The following ADCY2 variants were observed in gnomAD, a reference collection of about 807,000 sequenced individuals.
ADCY2 encodes the protein adenylate cyclase 2.
In ADCY2, 31 loss-of-function variants were observed where a neutral mutation model predicts 125.2. The ratio of observed to expected loss-of-function variants is 0.25; its 90% CI spans 0.19 to 0.33. ADCY2 has a LOEUF of 0.33. Ranked by LOEUF, ADCY2 falls within the 10% of genes least tolerant of loss-of-function variation. The pLI, the probability that ADCY2 is intolerant of heterozygous loss-of-function variation, is 1.00. For synonymous variants in ADCY2, 512 were observed against 548.4 expected, an observed-to-expected ratio of 0.93 and a Z score of 0.93; for missense variants, 904 against 1,418.2, an observed-to-expected ratio of 0.64 and a Z score of 5.82.
intron 3 of ADCY2, among the ~76,000 whole-genome samples, chr5:7,527,885 G>A (rs936655739): frequency 4.6e-5 from 7 of 152,170 alleles, no homozygotes; most frequent in African/African-American, 1.7e-4. Context: ...AGGAAAAACA[G>A]CAGGTTACCA....
chr5:7,628,975 G>T (rs957443989), intron 4 of ADCY2, among the ~76,000 whole-genome samples: 2 of 152,164 alleles, frequency 1.3e-5, no homozygotes, highest in Non-Finnish European at 2.9e-5. Flanking sequence ...TTCAGGTTTG[G>T]GTTCCTTGTG....
intron 3 of ADCY2, among the ~76,000 whole-genome samples, chr5:7,566,060 G>A (rs62342974): frequency 0.024 from 3,711 of 152,242 alleles, 85 homozygotes; most frequent in Middle Eastern, 0.068. Context: ...TTGGAGCAAG[G>A]GAAACGGCTA....
chr5:7,678,025 G>T (rs1408795843), intron 4 of ADCY2, among the ~76,000 whole-genome samples: 1 of 152,024 alleles, frequency 6.6e-6, no homozygotes. Flanking sequence ...ATTTTTGTTG[G>T]CATGACAAAG....
At chr5:7,749,934 T>C (rs1235129861) in intron 15 of ADCY2, among the ~76,000 whole-genome samples, 1 of 152,202 alleles carries the variant, frequency 6.6e-6, no homozygotes, top group East Asian at 1.9e-4. Flanking sequence ...CCCTCCACCA[T>C]ATTTTATTTT....
chr5:7,458,385 T>C (rs1741787579), intron 2 of ADCY2, among the ~76,000 whole-genome samples: 1 of 152,216 alleles, frequency 6.6e-6, no homozygotes, highest in Admixed American at 6.5e-5. Flanking sequence ...TTGCATTAAC[T>C]TGCAGTTATT....
intron 24 of ADCY2, among the ~76,000 whole-genome samples, chr5:7,824,891 T>C (rs1328761495): frequency 1.3e-5 from 2 of 152,230 alleles, no homozygotes; most frequent in African/African-American, 4.8e-5. Context: ...CCAACAGTGA[T>C]GTCTGCCCTC....
intron 16 of ADCY2, among the ~76,000 whole-genome samples, chr5:7,763,349 C>T (rs1232067279): frequency 2.0e-5 from 3 of 152,158 alleles, no homozygotes; most frequent in Non-Finnish European, 4.4e-5. Context: ...CCTCGGCCTC[C>T]CAAAGTGCTG....
chr5:7,402,595 A>G (rs1382680535), intron 1 of ADCY2, among the ~76,000 whole-genome samples: 1 of 152,188 alleles, frequency 6.6e-6, no homozygotes, highest in African/African-American at 2.4e-5. Context: ...TTCTAGAACA[A>G]TTGTGCCAAG....
intron 4 of ADCY2, among the ~76,000 whole-genome samples, chr5:7,632,290 C>T (rs1329113483): frequency 2.7e-5 from 4 of 145,698 alleles, no homozygotes; most frequent in East Asian, 2.0e-4. Context: ...AACTCTTCCA[C>T]GCCCCCTGCT....
chr5:7,533,566 C>T (rs1027578), intron 3 of ADCY2, among the ~76,000 whole-genome samples: 54,380 of 151,740 alleles, frequency 0.36, 10,669 homozygotes, highest in Admixed American at 0.45. Context: ...ATTTTTTTCT[C>T]TCCCATTTAT....
chr5:7,471,977 T>C (rs1239778112), intron 2 of ADCY2, among the ~76,000 whole-genome samples: 2 of 152,138 alleles, frequency 1.3e-5, no homozygotes, highest in African/African-American at 4.8e-5. Context: ...TTGTCTTTTT[T>C]GGTTTTGAAT....
intron 3 of ADCY2, among the ~76,000 whole-genome samples, chr5:7,530,776 T>G (rs1272723519): frequency 2.0e-5 from 3 of 152,052 alleles, no homozygotes; most frequent in Non-Finnish European, 4.4e-5. Flanking sequence ...TGTCTTCTAT[T>G]CTCCCTGCCA....
At chr5:7,481,329 C>G (rs995190383) in intron 2 of ADCY2, among the ~76,000 whole-genome samples, 7 of 152,240 alleles carry the variant, frequency 4.6e-5, no homozygotes, top group Non-Finnish European at 1.0e-4. Context: ...TGCAGTGGCA[C>G]GATCTCGGCT....
At chr5:7,487,573 C>G (rs866067096) in intron 2 of ADCY2, among the ~76,000 whole-genome samples, 1 of 152,148 alleles carries the variant, frequency 6.6e-6, no homozygotes, top group African/African-American at 2.4e-5. Flanking sequence ...GTGGGTGAGG[C>G]GACTGCTGAT....
chr5:7,567,707 C>G (rs368668232), intron 3 of ADCY2, among the ~76,000 whole-genome samples: 1 of 152,094 alleles, frequency 6.6e-6, no homozygotes. Context: ...CCTGTTTGGT[C>G]TTGGTTTTCT....
chr5:7,411,898 A>AC (rs1178823442), intron 1 of ADCY2, among the ~76,000 whole-genome samples: 1 of 151,790 alleles, frequency 6.6e-6, no homozygotes. Context: ...AAACGGTGAA[A>AC]CCCCGTCTCT....
chr5:7,682,740 T>G (rs1740381969), intron 4 of ADCY2, among the ~76,000 whole-genome samples: 1 of 152,188 alleles, frequency 6.6e-6, no homozygotes, highest in African/African-American at 2.4e-5. Flanking sequence ...TTTAGGATGG[T>G]AATGCTATGC....
chr5:7,826,193 A>G (rs568193811), intron 24 of ADCY2, among the ~76,000 whole-genome samples: 1 of 152,212 alleles, frequency 6.6e-6, no homozygotes, highest in East Asian at 1.9e-4. Context: ...GCAGGAGTCT[A>G]CAGTGCTCAG....
chr5:7,589,516 A>AAAGAAAGAAAG (rs1313792543), intron 3 of ADCY2, among the ~76,000 whole-genome samples: 3 of 103,244 alleles, frequency 2.9e-5, no homozygotes, highest in Admixed American at 9.1e-5. Context: ...GAAAGAAAAG[A>AAAGAAAGAAAG]AAAGAAAGAG....
Sources: gnomAD v4.1 joint callset for allele counts (sites outside exome capture counted in the v4.1 genomes callset) on GRCh38, gnomAD v4.1.1 for gene constraint, MANE v1.5 for transcripts, NCBI Gene and HGNC (gene_info 2026-07-23, HGNC 2026-07-21) for gene names.